IGF1R: variants seen among roughly 807,000 people sequenced by gnomAD.
IGF1R encodes the protein insulin like growth factor 1 receptor.
A neutral mutation model predicts 144.6 loss-of-function variants in IGF1R; 44 were observed. The observed-to-expected ratio is 0.30, with a 90% confidence interval of 0.24 to 0.39. The LOEUF is 0.39. Among genes scored for constraint, IGF1R ranks in the 10% least tolerant of loss-of-function variants. The pLI, the probability that IGF1R is intolerant of heterozygous loss-of-function variation, is 1.00. For synonymous variants in IGF1R, 795 were observed against 722.8 expected (o/e 1.10, Z -1.60); for missense variants, 1,355 against 1,833.7 (o/e 0.74, Z 4.77).
intron 2 of IGF1R, among the ~76,000 whole-genome samples, chr15:98,839,768 C>G (rs554839424): frequency 6.6e-5 from 10 of 152,298 alleles, no homozygotes; most frequent in South Asian, 2.1e-4. Context: ...GCTGCTTCCT[C>G]TACATGGTAG....
At chr15:98,791,455 A>T (rs2056125512) in intron 2 of IGF1R, among the ~76,000 whole-genome samples, 1 of 152,212 alleles carries the variant, frequency 6.6e-6, no homozygotes, top group Non-Finnish European at 1.5e-5. Flanking sequence ...ATAGATTAAA[A>T]TCCTGTTTGT....
intron 2 of IGF1R, among the ~76,000 whole-genome samples, chr15:98,743,464 C>T (rs1338601944): frequency 1.3e-5 from 2 of 152,100 alleles, no homozygotes; most frequent in East Asian, 1.9e-4. Context: ...GACTAACTGT[C>T]GGAGACACCC....
chr15:98,947,041 T>C (rs940638066), intron 19 of IGF1R, among the ~76,000 whole-genome samples: 183 of 152,358 alleles, frequency 1.2e-3, no homozygotes, highest in African/African-American at 4.2e-3. Context: ...GCATGCTGCC[T>C]GTATGGCTGG....
chr15:98,717,654 TG>T (rs2054150975), intron 2 of IGF1R, among the ~76,000 whole-genome samples: 1 of 152,226 alleles, frequency 6.6e-6, no homozygotes, highest in Non-Finnish European at 1.5e-5. Context: ...TCTATTTATT[TG>T]GTTCCGAAAC....
intron 4 of IGF1R, 90 bp from the exon 5 acceptor site, chr15:98,899,387 T>G (rs2014361425): frequency 7.3e-7 from 1 of 1,372,476 alleles, no homozygotes; most frequent in African/African-American, 1.4e-5. Flanking sequence ...CACCTGCCGT[T>G]GAATTGTTCT....
At chr15:98,861,171 A>C (rs958708456) in intron 2 of IGF1R, among the ~76,000 whole-genome samples, 10 of 152,186 alleles carry the variant, frequency 6.6e-5, no homozygotes, top group Admixed American at 5.9e-4. Flanking sequence ...GTAGTGAAAA[A>C]ACAAATCTTC....
chr15:98,926,353 A>G (rs1051395733), intron 13 of IGF1R, among the ~76,000 whole-genome samples: 1 of 152,150 alleles, frequency 6.6e-6, no homozygotes, highest in African/African-American at 2.4e-5. Context: ...AAGGATACAA[A>G]ATTTCAGTTA....
chr15:98,765,795 A>G (rs1051773691), intron 2 of IGF1R, among the ~76,000 whole-genome samples: 2 of 152,156 alleles, frequency 1.3e-5, no homozygotes, highest in Non-Finnish European at 2.9e-5. Context: ...CCATGATTGC[A>G]CAACCCACTC....
intron 20 of IGF1R, among the ~76,000 whole-genome samples, chr15:98,956,658 C>T (rs1323290332): frequency 6.6e-6 from 1 of 152,198 alleles, no homozygotes; most frequent in African/African-American, 2.4e-5. Flanking sequence ...CAGGGGTTTC[C>T]TGCTAATTCT....
At chr15:98,830,580 C>T (rs2056981725) in intron 2 of IGF1R, among the ~76,000 whole-genome samples, 1 of 150,890 alleles carries the variant, frequency 6.6e-6, no homozygotes, top group South Asian at 2.1e-4. Flanking sequence ...GCTGTTCAAG[C>T]ATGGTTCCAA....
rs1416018269 is a variant in IGF1R, at chr15:98,934,853, C to T, written c.2986C>T (p.Arg996Trp). Reference protein sequence around the residue: ...VYVPDEWEVAREKITMSRELG... With the variant: ...VYVPDEWEVAWEKITMSRELG... ...CGTTCCTGATGAGTGGGAGGTGGCT[C>T]GGGAGAAGATCACCATGAGCCGGGA... is the stretch of plus-strand genomic sequence containing the variant. The change falls in exon 16 of 21, where the codon CGG becomes TGG. Residue 996 changes from arginine to tryptophan, a missense_variant. By Grantham distance (101) the Arg-to-Trp change is moderately radical (BLOSUM62 -3). Around this residue, in one of 7 missense-constraint regions of IGF1R, gnomAD observed 880 missense variants for 1,202.7 expected, o/e 0.73. Coordinates refer to ENST00000650285, the MANE Select transcript of IGF1R (RefSeq NM_000875.5). 1 of 1,613,834 alleles carries T rather than the reference C, an allele frequency of 6.2e-7. No homozygotes were observed. The highest frequency in any genetic ancestry group is 8.5e-7 in the Non-Finnish European group (1 of 1,180,006).
At chr15:98,701,584 C>T (rs963458955) in intron 1 of IGF1R, among the ~76,000 whole-genome samples, 2 of 152,138 alleles carry the variant, frequency 1.3e-5, no homozygotes, top group African/African-American at 4.8e-5. Context: ...CGTGATCCTA[C>T]CGCCTCGGCC....
In IGF1R at chr15:98,801,605, C is replaced by A. The variant is rs9282713; in HGVS notation, c.641-89720C>A. On this transcript the variant is annotated intron_variant, in intron 2 of 20. Coordinates refer to ENST00000650285, the MANE Select transcript of IGF1R (RefSeq NM_000875.5). Reference sequence around the variant, plus strand: ...ACTGCTTGTCTGTGCCACCCTCAAACAATGATTTCCCCAAATTGGACAGCC... The same window carrying A: ...ACTGCTTGTCTGTGCCACCCTCAAAAAATGATTTCCCCAAATTGGACAGCC... 6.6e-5 allele frequency among the ~76,000 whole-genome samples: 10 copies of A among 152,318 alleles called. No individual in the cohort carries two copies. In the South Asian group the frequency reaches 2.1e-3, roughly 32 times the overall value.
Position 98,879,177 on chromosome 15 carries a change from T to C in IGF1R, c.641-12148T>C, listed in dbSNP as rs573478126. 2.6e-5 allele frequency among the ~76,000 whole-genome samples: 4 copies of C among 152,318 alleles called. No individual in the cohort carries two copies. In the East Asian group the frequency reaches 5.8e-4, roughly 22 times the overall value. On this transcript the variant is annotated intron_variant, in intron 2 of 20. Coordinates refer to ENST00000650285, the MANE Select transcript of IGF1R (RefSeq NM_000875.5). ...TTTTTGTCGTTACCATTATAACTTA[T>C]CTCTCTTTCCCAAATGTATAAGTAG...
chr15:98,783,341 A>G (rs2055902239), intron 2 of IGF1R, among the ~76,000 whole-genome samples: 1 of 152,210 alleles, frequency 6.6e-6, no homozygotes, highest in Non-Finnish European at 1.5e-5. Flanking sequence ...CCTGGTTACA[A>G]ACTAACCTGT....
At chr15:98,749,924 C>T (rs1482668563) in intron 2 of IGF1R, among the ~76,000 whole-genome samples, 8 of 135,982 alleles carry the variant, frequency 5.9e-5, no homozygotes, top group African/African-American at 1.9e-4. Flanking sequence ...AGAATCTGTT[C>T]TACTTGGGTA....
chr15:98,776,230 G>A (rs2055711510), intron 2 of IGF1R, among the ~76,000 whole-genome samples: 1 of 151,344 alleles, frequency 6.6e-6, no homozygotes, highest in African/African-American at 2.4e-5. Context: ...TGTCGCCCAG[G>A]CTGGAGTGCA....
At chr15:98,699,194 C>T (rs1188897339) in intron 1 of IGF1R, among the ~76,000 whole-genome samples, 1 of 152,224 alleles carries the variant, frequency 6.6e-6, no homozygotes, top group Non-Finnish European at 1.5e-5. Flanking sequence ...TCCACTGGCT[C>T]TACAGTCTGT....
chr15:98,743,837 A>G (rs1413501936), intron 2 of IGF1R, among the ~76,000 whole-genome samples: 2 of 152,192 alleles, frequency 1.3e-5, no homozygotes, highest in East Asian at 1.9e-4. Context: ...AGTGGTGGAG[A>G]TAAGTTGACT....
Sources: allele counts gnomAD v4.1 joint callset (sites outside exome capture counted in the v4.1 genomes callset), GRCh38; gene constraint gnomAD v4.1.1; regional missense constraint gnomAD v4.1.1; transcripts MANE v1.5; gene names NCBI Gene and HGNC (gene_info 2026-07-23, HGNC 2026-07-21).